CYREN: variants seen among roughly 807,000 people sequenced by gnomAD.
CYREN encodes cell cycle regulator of non-homologous end joining.
A neutral mutation model predicts 9.7 loss-of-function variants in CYREN; 7 were observed. That is an observed-to-expected ratio of 0.72 (90% CI 0.41 to 1.36). The LOEUF is 1.36. CYREN is among the 40% of genes most tolerant of loss of function. The pLI, the probability that CYREN is intolerant of heterozygous loss-of-function variation, is 0.01. For missense variants in CYREN, 215 were observed against 198.1 expected (o/e 1.09, Z -0.51); for synonymous variants, 76 against 77.9 (o/e 0.98, Z 0.13).
chr7:135,102,070 A>T (rs1823920568), intron 2 of CYREN, among the ~76,000 whole-genome samples: 2 of 152,214 alleles, frequency 1.3e-5, no homozygotes, highest in Non-Finnish European at 1.5e-5. Flanking sequence ...TGATTCCATT[A>T]AACCTCTTTT....
At chr7:135,135,874 C>A (rs1829326617) in intron 2 of CYREN, 1 of 152,108 alleles carries the variant, frequency 6.6e-6, no homozygotes, top group South Asian at 2.1e-4. Flanking sequence ...CAACATGGCA[C>A]TGAAATGCAT....
At chr7:135,146,630 G>C (rs536528705) in intron 2 of CYREN, among the ~76,000 whole-genome samples, 3 of 152,330 alleles carry the variant, frequency 2.0e-5, no homozygotes, top group African/African-American at 7.2e-5. Flanking sequence ...AGGAGGAAGA[G>C]AGGAAGCATA....
At chr7:135,140,334 G>C (rs1432224709) in intron 2 of CYREN, among the ~76,000 whole-genome samples, 1 of 151,928 alleles carries the variant, frequency 6.6e-6, no homozygotes, top group Admixed American at 6.6e-5. Flanking sequence ...ATTATGAATG[G>C]GATTGCATTC....
At chr7:135,130,578 G>A (rs544202463) in intron 2 of CYREN, among the ~76,000 whole-genome samples, 2 of 151,648 alleles carry the variant, frequency 1.3e-5, no homozygotes, top group Non-Finnish European at 2.9e-5. Flanking sequence ...TCCTCTGCTG[G>A]AATAGGAGAA....
In CYREN at chr7:135,165,921, TCA is replaced by T. The variant is rs1367630045; in HGVS notation, c.*688_*689del. The T allele has an allele frequency of 1.8e-5, 3 of 166,792 alleles. No homozygotes were observed. The highest frequency in any genetic ancestry group is 4.4e-5 in the Non-Finnish European group (3 of 68,140). 10.3% of individuals were successfully genotyped at this position (166,792 alleles called of 1,614,324 possible). On this transcript the variant is annotated 3_prime_UTR_variant, in exon 4 of 4. Coordinates refer to ENST00000393114, the MANE Select transcript of CYREN (RefSeq NM_024033.4). ...TGTACTCTGGTGTGATCTCTTGTCC[TCA>T]GTGTCTCTTCTGGGCTCCTGTCCCT...
chr7:135,154,515 C>A (rs1438890137), intron 2 of CYREN, among the ~76,000 whole-genome samples: 2 of 152,166 alleles, frequency 1.3e-5, no homozygotes, highest in Non-Finnish European at 2.9e-5. Flanking sequence ...CCTCTTAGCA[C>A]TTCTTTTGCT....
rs144292220 is a variant in CYREN, at chr7:135,106,991, T to A, written n.357-12409A>T. On this transcript the variant is annotated intron_variant and non_coding_transcript_variant, in intron 2 of 2. Coordinates refer to the CYREN transcript ENST00000459937. ...ATCCATCTCTTCTAGGTTTTCTAGT[T>A]TGTGTGCATAGACATGTTCATAGTA... 8.6e-4 allele frequency among the ~76,000 whole-genome samples: 131 copies of A among 152,300 alleles called. 1 individual carries two copies. Among genetic ancestry groups the A allele is most frequent in the African/African-American group, 2.7e-3 (112 of 41,560 alleles).
At chr7:135,106,234 G>C (rs1032625131) in intron 2 of CYREN, among the ~76,000 whole-genome samples, 1 of 152,138 alleles carries the variant, frequency 6.6e-6, no homozygotes, top group African/African-American at 2.4e-5. Flanking sequence ...TATCTTGGCT[G>C]ATTGCTCTGG....
chr7:135,119,736 G>A (rs1226145065), intron 2 of CYREN, among the ~76,000 whole-genome samples: 5 of 152,046 alleles, frequency 3.3e-5, no homozygotes, highest in African/African-American at 1.2e-4. Flanking sequence ...AATTAGCTGG[G>A]CGTGGCAGCG....
At chr7:135,138,306 C>G (rs562575932) in intron 2 of CYREN, among the ~76,000 whole-genome samples, 27 of 151,770 alleles carry the variant, frequency 1.8e-4, no homozygotes, top group Non-Finnish European at 2.8e-4. Context: ...TCTTAATTAC[C>G]TAACAGATAA....
At chr7:135,168,595 T>C in intron 2 of CYREN, 191 bp downstream of exon 2, 1 of 777,850 alleles carries the variant, frequency 1.3e-6, no homozygotes. Context: ...AGTGGGTGCC[T>C]GTCCTCGAGG....
chr7:135,130,177 T>G (rs1358686493), intron 2 of CYREN, among the ~76,000 whole-genome samples: 1 of 152,212 alleles, frequency 6.6e-6, no homozygotes, highest in Non-Finnish European at 1.5e-5. Flanking sequence ...TTAATCACAT[T>G]CTTACCAACC....
At chr7:135,129,717 GTGGAT>G (rs1430819461) in intron 2 of CYREN, 1 of 747,072 alleles carries the variant, frequency 1.3e-6, no homozygotes, top group African/African-American at 1.7e-5. Context: ...AGATATGGAA[GTGGAT>G]TGGTTTTCCC....
intron 2 of CYREN, chr7:135,115,608 A>G (rs1189343119): frequency 3.9e-6 from 6 of 1,540,086 alleles, no homozygotes; most frequent in East Asian, 2.4e-5. Flanking sequence ...CAAATCCAAC[A>G]TCAGTAAGTC....
chr7:135,115,756 C>A, intron 2 of CYREN: 1 of 630,982 alleles, frequency 1.6e-6, no homozygotes, highest in Non-Finnish European at 2.7e-6. Context: ...GAACAAAGAC[C>A]CAAAGCTGTC....
chr7:135,098,861 T>C (rs1585102877), intron 2 of CYREN, among the ~76,000 whole-genome samples: 1 of 152,302 alleles, frequency 6.6e-6, no homozygotes, highest in South Asian at 2.1e-4. Flanking sequence ...AGGTCTTATC[T>C]ATAACCTAAG....
chr7:135,145,668 G>A (rs987611277), intron 2 of CYREN, among the ~76,000 whole-genome samples: 3 of 152,172 alleles, frequency 2.0e-5, no homozygotes, highest in African/African-American at 7.2e-5. Context: ...ATTATCTTCA[G>A]AGAAGATCAA....
At chr7:135,172,166 T>G (rs1316385778), upstream of CYREN, among the ~76,000 whole-genome samples, 3 of 151,258 alleles carry the variant, frequency 2.0e-5, no homozygotes, top group Admixed American at 1.3e-4. Context: ...GTATTGGCAC[T>G]TTTGTTCTGG....
chr7:135,108,913 C>T (rs959372315), intron 2 of CYREN, among the ~76,000 whole-genome samples: 1 of 152,172 alleles, frequency 6.6e-6, no homozygotes, highest in African/African-American at 2.4e-5. Context: ...TTTTATCTGG[C>T]TGTCTTAATT....
Sources: allele counts gnomAD v4.1 joint callset (sites outside exome capture counted in the v4.1 genomes callset), GRCh38; gene constraint gnomAD v4.1.1; transcripts MANE v1.5; gene names NCBI Gene and HGNC (gene_info 2026-07-23, HGNC 2026-07-21).